The following KIR3DL2 variants were observed in gnomAD, a reference collection of about 807,000 sequenced individuals.
The protein encoded by KIR3DL2 is killer cell immunoglobulin-like receptor 3DL2.
A neutral mutation model predicts 41.6 loss-of-function variants in KIR3DL2; 42 were observed. The observed-to-expected ratio is 1.01, with a 90% confidence interval of 0.79 to 1.31. The LOEUF is 1.31. Among genes scored for constraint, KIR3DL2 ranks in the 50% most tolerant of loss-of-function variants. The pLI is 0.00. For synonymous variants in KIR3DL2, 230 were observed against 221.3 expected (o/e 1.04, Z -0.35); for missense variants, 728 against 576.8 (o/e 1.26, Z -2.68).
In KIR3DL2 at chr19:54,856,406, T is replaced by C. The variant is rs375658610; in HGVS notation, c.949+494T>C. ...GTCATAAATACCTTTATATGCTGGG[T>C]GTGGTGGTTCACGGTTGTAATCTTG... On this transcript the variant is annotated intron_variant, in intron 5 of 8. Coordinates refer to ENST00000326321, the MANE Select transcript of KIR3DL2 (RefSeq NM_006737.4). 2.3e-4 allele frequency among the ~76,000 whole-genome samples: 35 copies of C among 151,644 alleles called. 2 individuals carry two copies. Among genetic ancestry groups the C allele is most frequent in the Middle Eastern group, 6.8e-3 (2 of 294 alleles).
At chr19:54,853,118 A>G (rs1253844644) in intron 3 of KIR3DL2, among the ~76,000 whole-genome samples, 1 of 151,512 alleles carries the variant, frequency 6.6e-6, no homozygotes, top group Non-Finnish European at 1.5e-5. Flanking sequence ...AAATAAATTA[A>G]TTAATCAATT....
intron 5 of KIR3DL2, among the ~76,000 whole-genome samples, chr19:54,858,631 A>G (rs1226732222): frequency 6.6e-5 from 10 of 151,000 alleles, no homozygotes; most frequent in African/African-American, 2.2e-4. Flanking sequence ...AGGAGTTTGA[A>G]GCAAGAGAAT....
At chr19:54,865,241 A>T (rs2065422794) in intron 6 of KIR3DL2, among the ~76,000 whole-genome samples, 1 of 152,068 alleles carries the variant, frequency 6.6e-6, no homozygotes. Flanking sequence ...TTTGCCTCAC[A>T]GTTCTGCAGG....
chr19:54,855,741 G>C lies in KIR3DL2; in HGVS notation c.778G>C (p.Glu260Gln), dbSNP rs2064703733. 6.2e-7 allele frequency: 1 copy of C among 1,613,374 alleles called. No individual in the cohort carries two copies. Among genetic ancestry groups the C allele is most frequent in the African/African-American group, 1.3e-5 (1 of 74,456 alleles). The change falls in exon 5 of 9, where the codon GAG becomes CAG. Residue 260 changes from glutamate to glutamine, a missense_variant. Glu to Gln is a conservative substitution (Grantham distance 29). Transcript: ENST00000326321. ...YDIYHLSREG[E>Q]AHERRLRAVP... Reference sequence around the variant, plus strand: ...CATCTACCATCTGTCCAGGGAAGGGGAGGCCCATGAACGTAGGCTCCGTGC... The same window carrying C: ...CATCTACCATCTGTCCAGGGAAGGGCAGGCCCATGAACGTAGGCTCCGTGC...
intron 4 of KIR3DL2, among the ~76,000 whole-genome samples, chr19:54,855,176 T>C (rs1347730561): frequency 6.7e-6 from 1 of 149,676 alleles, no homozygotes; most frequent in Admixed American, 6.7e-5. Context: ...ATACAGATAA[T>C]ACATAGATGA....
chr19:54,855,722 C>T lies in KIR3DL2; in HGVS notation c.759C>T (p.Tyr253=), dbSNP rs1223493662. The T allele has an allele frequency of 3.1e-6, 5 of 1,613,570 alleles. 1 individual carries two copies. The South Asian group carries it at 4.4e-5, about 14-fold the overall frequency. Residue 253 remains tyrosine (Y), a synonymous_variant, in exon 5 of 9, where the codon TAC becomes TAT. Transcript: ENST00000326321. ...SCSSWSSYDI[Y]HLSREGEAHE... Reference sequence around the variant, plus strand: ...GCTCCTGGAGCTCCTATGACATCTACCATCTGTCCAGGGAAGGGGAGGCCC... The same window carrying T: ...GCTCCTGGAGCTCCTATGACATCTATCATCTGTCCAGGGAAGGGGAGGCCC...
chr19:54,860,702 C>T (rs1487573105), intron 6 of KIR3DL2, among the ~76,000 whole-genome samples: 9 of 150,692 alleles, frequency 6.0e-5, no homozygotes, highest in African/African-American at 1.9e-4. Flanking sequence ...ATAGATAATG[C>T]TGAGTGTATT....
chr19:54,859,994 C>G (rs200008754), intron 6 of KIR3DL2, among the ~76,000 whole-genome samples: 2 of 151,024 alleles, frequency 1.3e-5, no homozygotes, highest in African/African-American at 4.9e-5. Context: ...CCCTTCTTGC[C>G]CTTCTTTTGA....
At chr19:54,862,843 G>C (rs2065271560) in intron 6 of KIR3DL2, among the ~76,000 whole-genome samples, 1 of 100,552 alleles carries the variant, frequency 9.9e-6, no homozygotes, top group Non-Finnish European at 2.0e-5. Context: ...CTTCTGATGA[G>C]CTTTTTTTTA....
chr19:54,862,289 G>A (rs1463371342), intron 6 of KIR3DL2, among the ~76,000 whole-genome samples: 1 of 152,094 alleles, frequency 6.6e-6, no homozygotes, highest in Admixed American at 6.5e-5. Context: ...CTTGGAGAAT[G>A]TAATTTGAGT....
At chr19:54,853,606 A>T in intron 3 of KIR3DL2, 141 bp from the exon 4 acceptor site, 2 of 926,492 alleles carry the variant, frequency 2.2e-6, no homozygotes, top group Non-Finnish European at 3.3e-6. Flanking sequence ...GCACCAGGGG[A>T]TATGGGCACA....
rs2064731526 is a variant in KIR3DL2 at position 54,855,908 on chromosome 19, C to G, written c.945C>G (p.Val315=). The part of the protein sequence containing the change: ...SNSSDPLLVS[V]TGNPSSSWPS... ...CAAGTGACCCACTGCTTGTTTCTGTCACAGGTGAGGAAAACCCGTGTCTGT... is the reference window on the plus strand; with the variant it reads ...CAAGTGACCCACTGCTTGTTTCTGTGACAGGTGAGGAAAACCCGTGTCTGT... Residue 315 remains valine, a synonymous_variant, in exon 5 of 9, where the codon GTC becomes GTG. Transcript: ENST00000326321. 1 of 1,613,378 alleles carries G rather than the reference C, an allele frequency of 6.2e-7. No homozygotes were observed. The highest frequency in any genetic ancestry group is 1.7e-5 in the Admixed American group (1 of 59,968).
chr19:54,854,023 A>T lies in KIR3DL2; in HGVS notation c.632A>T (p.Asp211Val). The T allele has an allele frequency of 6.2e-7, 1 of 1,612,660 alleles. No individual in the cohort carries two copies. The highest frequency in any genetic ancestry group is 1.1e-5 in the South Asian group (1 of 91,048). The change falls in exon 4 of 9, where the codon GAC becomes GTC. Residue 211 changes from aspartate (D) to valine (V), a missense_variant. Physicochemically the swap from Asp to Val is radical, Grantham distance 152. Transcript: ENST00000326321. ...HSPYQLSAPS[D>V]PLDIVITGLY... is the part of the protein sequence containing the mutation. ...CCCTATCAGTTGTCAGCTCCCAGTG[A>T]CCCCCTGGACATCGTGATCACAGGT... is the stretch of plus-strand genomic sequence containing the variant.
intron 3 of KIR3DL2, among the ~76,000 whole-genome samples, chr19:54,853,258 C>T (rs201109175): frequency 6.6e-6 from 1 of 151,620 alleles, no homozygotes; most frequent in African/African-American, 2.4e-5. Context: ...CAGGGACCAC[C>T]CTATGGAAGC....
At chr19:54,850,751 T>C (rs1289254574) in intron 1 of KIR3DL2, among the ~76,000 whole-genome samples, 1 of 98,192 alleles carries the variant, frequency 1.0e-5, no homozygotes, top group Non-Finnish European at 1.9e-5. Flanking sequence ...AGTGGAGATA[T>C]GGGCCTGGAG....
intron 5 of KIR3DL2, among the ~76,000 whole-genome samples, chr19:54,856,384 A>G (rs2064779720): frequency 6.6e-6 from 1 of 151,882 alleles, no homozygotes; most frequent in Non-Finnish European, 1.5e-5. Flanking sequence ...TCTAGTGGTC[A>G]TAAATACCTT....
At chr19:54,859,279 A>G in intron 6 of KIR3DL2, 150 bp downstream of exon 6, 1 of 863,130 alleles carries the variant, frequency 1.2e-6, no homozygotes. Flanking sequence ...AGTGAAAGGG[A>G]TCTAGGGCCA....
Position 54,853,997 on chromosome 19 carries a change from C to T in KIR3DL2, c.606C>T (p.Ser202=). 1.9e-6 allele frequency: 3 copies of T among 1,613,238 alleles called. No individual in the cohort carries two copies. Among genetic ancestry groups the T allele is most frequent in the South Asian group, 1.1e-5 (1 of 91,082 alleles). ...GATGTTATGGTTCTGTTCCTCACTC[C>T]CCCTATCAGTTGTCAGCTCCCAGTG... ...TYRCYGSVPH[S]PYQLSAPSDP... is the part of the protein sequence containing the mutation. Residue 202 remains serine (S), a synonymous_variant, in exon 4 of 9, where the codon TCC becomes TCT. Coordinates refer to ENST00000326321, the MANE Select transcript of KIR3DL2 (RefSeq NM_006737.4).
intron 6 of KIR3DL2, among the ~76,000 whole-genome samples, chr19:54,864,765 A>G (rs2065393350): frequency 6.6e-6 from 1 of 151,868 alleles, no homozygotes; most frequent in Non-Finnish European, 1.5e-5. Flanking sequence ...GGGCTGAGAC[A>G]ATGGGGTTTT....
Sources: allele counts gnomAD v4.1 joint callset (sites outside exome capture counted in the v4.1 genomes callset), GRCh38; gene constraint gnomAD v4.1.1; transcripts MANE v1.5; gene names NCBI Gene and HGNC (gene_info 2026-07-23, HGNC 2026-07-21).